The following PAWR variants were observed in gnomAD, a reference collection of about 807,000 sequenced individuals.
The protein encoded by PAWR is PRKC apoptosis WT1 regulator protein.
In PAWR, 23 loss-of-function variants were observed where a neutral mutation model predicts 32.0. That is an observed-to-expected ratio of 0.72 (90% CI 0.52 to 1.02). The LOEUF is 1.02. PAWR is among the 50% of genes least tolerant of loss of function. PAWR has a pLI of 0.00. For missense variants in PAWR, 457 were observed against 437.7 expected (o/e 1.04, Z -0.39); for synonymous variants, 226 against 187.1 (o/e 1.21, Z -1.70).
At chr12:79,640,859 G>A (rs142096364) in intron 2 of PAWR, among the ~76,000 whole-genome samples, 1 of 152,192 alleles carries the variant, frequency 6.6e-6, no homozygotes, top group African/African-American at 2.4e-5. Context: ...AAGAAACTAT[G>A]TCCTATAATA....
intron 2 of PAWR, among the ~76,000 whole-genome samples, chr12:79,640,970 C>T (rs551960034): frequency 2.3e-4 from 35 of 152,258 alleles, no homozygotes; most frequent in African/African-American, 7.9e-4. Context: ...TATTCTGTTA[C>T]ATTGGCGGTG....
intron 2 of PAWR, among the ~76,000 whole-genome samples, chr12:79,639,758 C>A (rs1328464498): frequency 6.7e-6 from 1 of 149,980 alleles, no homozygotes; most frequent in East Asian, 1.9e-4. Flanking sequence ...GTGGCTGGCA[C>A]ATACTGTATA....
At position 79,632,336 on chromosome 12, in the gene PAWR, TATATATATATATATA is replaced by T. The variant is rs1566010998; in HGVS notation, c.517-11144_517-11130del. 1.9e-4 allele frequency among the ~76,000 whole-genome samples: 11 copies of T among 57,580 alleles called. 1 individual carries two copies. In the African/African-American group the frequency reaches 2.4e-3, roughly 12 times the overall value. The allele number at this position is 57,580 out of a possible 152,430, so 37.8% of individuals were successfully genotyped here. ...ACATATATATATATATATATATATA[TATATATATATATATA>T]TATATATATATTTTTTTTTTTTTTT... On this transcript the variant is annotated intron_variant, in intron 2 of 6. Coordinates refer to ENST00000328827, the MANE Select transcript of PAWR (RefSeq NM_002583.4).
At chr12:79,680,500 A>G (rs531855935) in intron 2 of PAWR, among the ~76,000 whole-genome samples, 1 of 152,266 alleles carries the variant, frequency 6.6e-6, no homozygotes, top group East Asian at 1.9e-4. Context: ...GCTAGTTTTT[A>G]TTAGGTTTCT....
At chr12:79,660,822 G>A (rs1046386969) in intron 2 of PAWR, among the ~76,000 whole-genome samples, 2 of 151,730 alleles carry the variant, frequency 1.3e-5, no homozygotes, top group Non-Finnish European at 2.9e-5. Context: ...GAACTGAGCT[G>A]ATCCACCTGC....
chr12:79,593,783 A>C (rs1325694036), intron 6 of PAWR, among the ~76,000 whole-genome samples: 1 of 146,118 alleles, frequency 6.8e-6, no homozygotes, highest in African/African-American at 2.5e-5. Flanking sequence ...GCTCACTGCA[A>C]CCTCCGCCTC....
At chr12:79,602,319 AC>A (rs1476965419) in intron 4 of PAWR, among the ~76,000 whole-genome samples, 2 of 152,150 alleles carry the variant, frequency 1.3e-5, no homozygotes, top group Non-Finnish European at 2.9e-5. Context: ...CTTATATATC[AC>A]CCCCCTTTGG....
intron 2 of PAWR, among the ~76,000 whole-genome samples, chr12:79,660,392 C>T (rs1040063126): frequency 9.9e-5 from 15 of 152,020 alleles, no homozygotes; most frequent in Admixed American, 5.2e-4. Flanking sequence ...TAGAAACAAA[C>T]AGAAGTGCTA....
chr12:79,624,473 C>A (rs570114594), intron 2 of PAWR, among the ~76,000 whole-genome samples: 5 of 152,282 alleles, frequency 3.3e-5, no homozygotes, highest in African/African-American at 1.2e-4. Context: ...CCCATGGCAA[C>A]ACTGCTATCC....
At chr12:79,674,676 C>T (rs944445533) in intron 2 of PAWR, among the ~76,000 whole-genome samples, 2 of 151,970 alleles carry the variant, frequency 1.3e-5, no homozygotes, top group Non-Finnish European at 2.9e-5. Flanking sequence ...AGTCTAATGT[C>T]CAGAATCTAC....
intron 2 of PAWR, among the ~76,000 whole-genome samples, chr12:79,685,507 C>A (rs1025652040): frequency 6.6e-6 from 1 of 152,204 alleles, no homozygotes; most frequent in Non-Finnish European, 1.5e-5. Flanking sequence ...GCTCCTTTAT[C>A]TTCCCTTTCA....
At chr12:79,632,439 G>C (rs961604042) in intron 2 of PAWR, among the ~76,000 whole-genome samples, 1 of 145,250 alleles carries the variant, frequency 6.9e-6, no homozygotes, top group African/African-American at 2.6e-5. Context: ...GGTCACTGCA[G>C]CCTTGACCTC....
intron 3 of PAWR, among the ~76,000 whole-genome samples, chr12:79,616,078 T>G (rs1307529530): frequency 1.4e-5 from 2 of 141,956 alleles, no homozygotes; most frequent in African/African-American, 2.9e-5. Flanking sequence ...AAAAAAAAAG[T>G]TTTTCCCCTG....
At chr12:79,659,312 C>G (rs1038780074) in intron 2 of PAWR, among the ~76,000 whole-genome samples, 1 of 151,770 alleles carries the variant, frequency 6.6e-6, no homozygotes, top group Admixed American at 6.6e-5. Context: ...AAAAAAAAAT[C>G]TAAATTCAAG....
intron 2 of PAWR, among the ~76,000 whole-genome samples, chr12:79,639,911 C>CATTCCATTCCATTCT (rs1566014452): frequency 1.9e-4 from 20 of 102,858 alleles, no homozygotes; most frequent in African/African-American, 9.4e-4. Flanking sequence ...CATTCCATTC[C>CATTCCATTCCATTCT]ATTCTATTCT....
At chr12:79,667,595 A>G (rs1378598782) in intron 2 of PAWR, among the ~76,000 whole-genome samples, 1 of 152,198 alleles carries the variant, frequency 6.6e-6, no homozygotes, top group African/African-American at 2.4e-5. Context: ...TTTGGACAAA[A>G]TATAAAAGAC....
chr12:79,642,348 T>A (rs1876366175), intron 2 of PAWR, among the ~76,000 whole-genome samples: 1 of 152,186 alleles, frequency 6.6e-6, no homozygotes, highest in Non-Finnish European at 1.5e-5. Flanking sequence ...AATTGGTTTA[T>A]CAAGCACATG....
intron 2 of PAWR, among the ~76,000 whole-genome samples, chr12:79,656,688 A>G (rs1369560452): frequency 6.6e-6 from 1 of 152,218 alleles, no homozygotes; most frequent in African/African-American, 2.4e-5. Context: ...TTCAATAATG[A>G]CATCCAGTTC....
At position 79,690,305 on chromosome 12, in the gene PAWR, C is replaced by T; in HGVS notation, c.-61G>A. ...CCGCCCACCAGGGCTCCGGCCGCTG[C>T]CTCCTCTTCCTTCCTGCGGCCCCGA... On this transcript the variant is annotated 5_prime_UTR_variant, in exon 2 of 7. Coordinates refer to ENST00000328827, the MANE Select transcript of PAWR (RefSeq NM_002583.4). 1 of 1,379,940 alleles carries T rather than the reference C, an allele frequency of 7.2e-7. No individual in the cohort carries two copies. Among genetic ancestry groups the T allele is most frequent in the Non-Finnish European group, 9.4e-7 (1 of 1,068,816 alleles). 85.5% of individuals were successfully genotyped at this position (1,379,940 alleles called of 1,614,324 possible).
Sources: gnomAD v4.1 joint callset for allele counts (sites outside exome capture counted in the v4.1 genomes callset) on GRCh38, gnomAD v4.1.1 for gene constraint, MANE v1.5 for transcripts, NCBI Gene and HGNC (gene_info 2026-07-23, HGNC 2026-07-21) for gene names.